The following BEAN1 variants were observed in gnomAD, a reference collection of about 807,000 sequenced individuals.
BEAN1 encodes the protein protein BEAN1.
BEAN1 carries 17 observed loss-of-function variants against 17.7 expected under a neutral mutation model. The ratio of observed to expected loss-of-function variants is 0.96; its 90% CI spans 0.66 to 1.44. The LOEUF (loss-of-function observed/expected upper bound fraction) is 1.44, where lower values mean the gene tolerates loss of function less well. Ranked by LOEUF, BEAN1 falls within the 40% of genes most tolerant of loss-of-function variation. The pLI is 0.00. For synonymous variants in BEAN1, 142 were observed against 151.8 expected (o/e 0.94, Z 0.47); for missense variants, 359 against 374.1 (o/e 0.96, Z 0.33).
intron 4 of BEAN1, among the ~76,000 whole-genome samples, chr16:66,488,138 C>T (rs182555828): frequency 1.0e-3 from 156 of 151,762 alleles, no homozygotes; most frequent in African/African-American, 3.7e-3. Flanking sequence ...GACAGGTTCC[C>T]CATGAGGGGA....
At chr16:66,437,483 T>C in intron 1 of BEAN1, 112 bp from the exon 2 acceptor site, 1 of 645,786 alleles carries the variant, frequency 1.5e-6, no homozygotes, top group Non-Finnish European at 2.6e-6. Context: ...CTCAAAGAAG[T>C]GACCATCCTC....
intron 1 of BEAN1, among the ~76,000 whole-genome samples, chr16:66,433,196 C>A (rs1296433444): frequency 2.6e-5 from 4 of 152,168 alleles, no homozygotes; most frequent in Admixed American, 6.5e-5. Context: ...GCAACCCCCA[C>A]CTCCCGGGTT....
At chr16:66,464,436 G>A (rs1484804863) in intron 2 of BEAN1, among the ~76,000 whole-genome samples, 2 of 152,052 alleles carry the variant, frequency 1.3e-5, no homozygotes, top group Admixed American at 6.6e-5. Context: ...CGTCTTCCAG[G>A]CTCAAACGAT....
Position 66,434,080 on chromosome 16 carries a change from G to A in BEAN1, c.-82-3515G>A, listed in dbSNP as rs949590975. ...TGGAGTGCCACCAGCCCGCCCTCGA[G>A]TTCCCAGCCAGACAATCCAGTAGGA... is the stretch of plus-strand genomic sequence containing the variant. On this transcript the variant is annotated intron_variant, in intron 1 of 4. Transcript: ENST00000536005. This position sits in a 1 kb window ranked among gnomAD's most constrained non-coding sequence, Gnocchi z 4.3. 6.6e-6 allele frequency among the ~76,000 whole-genome samples: 1 copy of A among 152,188 alleles called. No homozygotes were observed. Among genetic ancestry groups the A allele is most frequent in the Non-Finnish European group, 1.5e-5 (1 of 68,028 alleles).
At chr16:66,485,008 G>A (rs564898384), downstream of BEAN1, 8 of 454,002 alleles carry the variant, frequency 1.8e-5, no homozygotes, top group East Asian at 6.9e-5. Context: ...TTGGGTCCCC[G>A]TGTATGGGTG....
intron 2 of BEAN1, 23 bp from the exon 3 acceptor site, chr16:66,469,579 G>A: frequency 1.3e-6 from 2 of 1,529,342 alleles, no homozygotes; most frequent in Non-Finnish European, 1.8e-6. Context: ...CTCCAGCTCA[G>A]TGTCCTCTCT....
chr16:66,490,218 T>TA (rs774079713), intron 4 of BEAN1, among the ~76,000 whole-genome samples: 2,471 of 43,604 alleles, frequency 0.057, 179 homozygotes, highest in East Asian at 0.085. Flanking sequence ...CCATCTCTAC[T>TA]AAAAAAAAAA....
At chr16:66,431,599 C>T (rs1014729255) in intron 1 of BEAN1, among the ~76,000 whole-genome samples, 6 of 109,436 alleles carry the variant, frequency 5.5e-5, no homozygotes, top group Admixed American at 1.1e-4. Flanking sequence ...TAATATATTC[C>T]CTAGTTTTTT....
Position 66,477,592 on chromosome 16 carries a change from C to T in BEAN1, c.322C>T (p.Arg108Cys), listed in dbSNP as rs920828376. 14 of 1,549,670 alleles carry T rather than the reference C, an allele frequency of 9.0e-6. No homozygotes were observed. The highest frequency in any genetic ancestry group is 1.0e-5 in the Non-Finnish European group (12 of 1,146,408). The change falls in exon 4 of 5, where the codon CGC becomes TGC. Residue 108 changes from arginine (R) to cysteine (C), a missense_variant. Transcript: ENST00000536005. ...SDEHTYSRSS[R>C]RMRYACSSSE... Reference sequence around the variant, plus strand: ...CGAGCACACATACAGCCGCTCAAGCCGCAGGATGCGCTATGCCTGCAGCTC... The same window carrying T: ...CGAGCACACATACAGCCGCTCAAGCTGCAGGATGCGCTATGCCTGCAGCTC...
intron 2 of BEAN1, among the ~76,000 whole-genome samples, chr16:66,448,174 C>T (rs1046596024): frequency 6.6e-6 from 1 of 152,136 alleles, no homozygotes; most frequent in East Asian, 1.9e-4. Context: ...CAGCAAGAAC[C>T]GAGAATTCCT....
intron 4 of BEAN1, among the ~76,000 whole-genome samples, chr16:66,491,472 T>C (rs149947010): frequency 6.6e-6 from 1 of 152,298 alleles, no homozygotes; most frequent in Admixed American, 6.5e-5. Context: ...TCATATCCAT[T>C]GACTTCAGTC....
chr16:66,476,901 G>C (rs1963770541), intron 3 of BEAN1, among the ~76,000 whole-genome samples: 1 of 152,168 alleles, frequency 6.6e-6, no homozygotes, highest in Non-Finnish European at 1.5e-5. Flanking sequence ...GGAGAATGCA[G>C]TGTGGGGAGC....
At chr16:66,451,287 G>A (rs373862368) in intron 2 of BEAN1, 9 of 152,650 alleles carry the variant, frequency 5.9e-5, no homozygotes, top group African/African-American at 1.9e-4. Flanking sequence ...CCTGGGGCAG[G>A]TTGCAAATGA....
intron 2 of BEAN1, among the ~76,000 whole-genome samples, chr16:66,460,329 G>T (rs887911599): frequency 6.6e-6 from 1 of 152,238 alleles, no homozygotes; most frequent in Non-Finnish European, 1.5e-5. Context: ...AGAGAAGCAT[G>T]CATGAAAAGA....
intron 4 of BEAN1, among the ~76,000 whole-genome samples, chr16:66,480,363 G>A (rs767665999): frequency 1.6e-4 from 25 of 152,142 alleles, no homozygotes; most frequent in African/African-American, 4.8e-4. Context: ...AGCTCACACC[G>A]CATATGAGGG....
intron 1 of BEAN1, among the ~76,000 whole-genome samples, chr16:66,435,729 C>T (rs770652062): frequency 7.9e-5 from 12 of 152,066 alleles, no homozygotes; most frequent in East Asian, 1.9e-4. Flanking sequence ...CCTCATGATC[C>T]GCCTGCCTCG....
Position 66,427,553 on chromosome 16 carries a change from C to G in BEAN1, c.-83+122C>G, listed in dbSNP as rs374383507. 5 of 151,806 alleles carry G rather than the reference C, an allele frequency of 3.3e-5. No individual in the cohort carries two copies. The highest frequency in any genetic ancestry group is 7.4e-5 in the Non-Finnish European group (5 of 67,944). 9.4% of individuals were successfully genotyped at this position (151,806 alleles called of 1,614,324 possible). ...CCCGGGGGCGCGCCGCGCGGAGCCT[C>G]GGTGCGCGGGGCGGGCGGATGCGCG... is the stretch of plus-strand genomic sequence containing the variant. On this transcript the variant is annotated intron_variant, in intron 1 of 4. Transcript: ENST00000536005. The surrounding 1 kb of genome is among the most constrained non-coding windows in gnomAD (Gnocchi z 4.7).
rs1186296573 is a variant in BEAN1, at chr16:66,481,052, A to C, written c.*127A>C. ...TAACACACACATAGACCAAACTTGT[A>C]TACACACAGACATCTACACTGACAT... On this transcript the variant is annotated 3_prime_UTR_variant, in exon 5 of 5. Coordinates refer to ENST00000536005, the MANE Select transcript of BEAN1 (RefSeq NM_001178020.3). The surrounding 1 kb of genome is among the most constrained non-coding windows in gnomAD (Gnocchi z 4.1). 2 of 723,800 alleles carry C rather than the reference A, an allele frequency of 2.8e-6. No individual in the cohort carries two copies. Among genetic ancestry groups the C allele is most frequent in the South Asian group, 4.9e-5 (2 of 40,594 alleles). 44.8% of individuals were successfully genotyped at this position (723,800 alleles called of 1,614,324 possible). A position where few individuals can be genotyped will look rare whatever the true frequency, so the allele number is the denominator to read the frequency against.
intron 2 of BEAN1, among the ~76,000 whole-genome samples, chr16:66,456,181 C>T (rs746990218): frequency 1.3e-5 from 2 of 152,212 alleles, no homozygotes; most frequent in African/African-American, 2.4e-5. Context: ...ACATGGCCTT[C>T]ACACAATCCT....
Sources: allele counts gnomAD v4.1 joint callset (sites outside exome capture counted in the v4.1 genomes callset), GRCh38; gene constraint gnomAD v4.1.1; non-coding constraint Gnocchi (gnomAD v3.1); transcripts MANE v1.5; gene names NCBI Gene and HGNC (gene_info 2026-07-23, HGNC 2026-07-21).